CFAP210: variants seen among roughly 807,000 people sequenced by gnomAD.
CFAP210 encodes cilia- and flagella- associated protein 210.
At chr2:169,685,059 AC>A in the CFAP210 span, among the ~76,000 whole-genome samples, 1 of 152,190 alleles carries the variant, frequency 6.6e-6, no homozygotes, top group Non-Finnish European at 1.5e-5. Flanking sequence ...CCACCATTTG[AC>A]TATTATGAAT....
chr2:169,671,647 T>C, the CFAP210 span, among the ~76,000 whole-genome samples: 21,117 of 152,152 alleles, frequency 0.14, 1,555 homozygotes, highest in Middle Eastern at 0.19. Flanking sequence ...TTTGTATTTT[T>C]TTAGTAGAGA....
the CFAP210 span, among the ~76,000 whole-genome samples, chr2:169,682,910 T>A: frequency 6.6e-6 from 1 of 152,190 alleles, no homozygotes; most frequent in Non-Finnish European, 1.5e-5. Context: ...ACGTAAAGAA[T>A]TTAAGACTAG....
the CFAP210 span, among the ~76,000 whole-genome samples, chr2:169,678,359 A>AAAAGAAAG: frequency 1.4e-5 from 2 of 145,832 alleles, no homozygotes; most frequent in South Asian, 4.3e-4. Context: ...AAAAAAAAAA[A>AAAAGAAAG]AAAAGAAAGA....
chr2:169,645,968 T>C, the CFAP210 span: 1 of 1,613,976 alleles, frequency 6.2e-7, no homozygotes, highest in Non-Finnish European at 8.5e-7. Flanking sequence ...TCCACCTCTG[T>C]CCACAAACAC....
At chr2:169,674,145 G>C in the CFAP210 span, among the ~76,000 whole-genome samples, 1 of 152,082 alleles carries the variant, frequency 6.6e-6, no homozygotes, top group African/African-American at 2.4e-5. Context: ...TTGCTCTCTT[G>C]CATCTCTATC....
At chr2:169,691,506 G>A in the CFAP210 span, among the ~76,000 whole-genome samples, 2 of 151,788 alleles carry the variant, frequency 1.3e-5, no homozygotes, top group African/African-American at 4.8e-5. Context: ...CCCTACTTCT[G>A]TAGACATCCT....
At chr2:169,647,983 C>CCAT in the CFAP210 span, among the ~76,000 whole-genome samples, 2 of 151,682 alleles carry the variant, frequency 1.3e-5, no homozygotes, top group African/African-American at 4.8e-5. Flanking sequence ...TGGTGAAACC[C>CCAT]CATCTCTACT....
At chr2:169,671,405 T>C in the CFAP210 span, among the ~76,000 whole-genome samples, 14 of 152,324 alleles carry the variant, frequency 9.2e-5, no homozygotes, top group East Asian at 1.2e-3. Context: ...TCTACACATA[T>C]TTGCCAAAAT....
At chr2:169,680,823 T>C in the CFAP210 span, among the ~76,000 whole-genome samples, 1 of 152,240 alleles carries the variant, frequency 6.6e-6, no homozygotes, top group Admixed American at 6.5e-5. Flanking sequence ...TATAGGATTG[T>C]ACATTTCAAA....
chr2:169,661,684 T>C, the CFAP210 span, among the ~76,000 whole-genome samples: 1 of 152,238 alleles, frequency 6.6e-6, no homozygotes, highest in Non-Finnish European at 1.5e-5. Context: ...TCATTTTCTC[T>C]TCTCTCTTTC....
the CFAP210 span, among the ~76,000 whole-genome samples, chr2:169,667,135 CTTTTTTCTTTT>C: frequency 3.8e-4 from 46 of 120,314 alleles, no homozygotes; most frequent in African/African-American, 1.4e-3. Context: ...CACAAATTTT[CTTTTTTCTTTT>C]TTTTTTTTTT....
the CFAP210 span, among the ~76,000 whole-genome samples, chr2:169,671,426 A>G: frequency 6.6e-6 from 1 of 152,172 alleles, no homozygotes; most frequent in Non-Finnish European, 1.5e-5. Context: ...ATTTATCATT[A>G]CATTCTAATT....
chr2:169,688,024 G>C, the CFAP210 span, among the ~76,000 whole-genome samples: 4 of 152,234 alleles, frequency 2.6e-5, no homozygotes, highest in Non-Finnish European at 4.4e-5. Context: ...TGAAGCCACA[G>C]CATGAGCTCT....
the CFAP210 span, chr2:169,659,080 C>G: frequency 1.3e-5 from 2 of 152,738 alleles, no homozygotes; most frequent in African/African-American, 4.8e-5. Flanking sequence ...GATCATGCCA[C>G]TGCACTCCAG....
the CFAP210 span, among the ~76,000 whole-genome samples, chr2:169,687,943 A>G: frequency 6.6e-6 from 1 of 152,204 alleles, no homozygotes; most frequent in Non-Finnish European, 1.5e-5. Flanking sequence ...CCAAACCTCA[A>G]TTCTTGACTT....
the CFAP210 span, chr2:169,674,573 T>C: frequency 1.3e-6 from 2 of 1,586,778 alleles, no homozygotes; most frequent in Non-Finnish European, 1.7e-6. Flanking sequence ...TATGTATACA[T>C]ACTGTTTTAG....
chr2:169,682,527 T>C, the CFAP210 span, among the ~76,000 whole-genome samples: 14 of 152,194 alleles, frequency 9.2e-5, no homozygotes, highest in Non-Finnish European at 1.9e-4. Flanking sequence ...ATGCTGTTTG[T>C]TTCCTTATAT....
the CFAP210 span, among the ~76,000 whole-genome samples, chr2:169,677,072 GCA>G: frequency 1.1e-4 from 17 of 152,290 alleles, no homozygotes; most frequent in East Asian, 3.1e-3. Context: ...GCCAGCAGAT[GCA>G]CAGAGAGGAG....
At chr2:169,666,902 G>A in the CFAP210 span, among the ~76,000 whole-genome samples, 2 of 151,992 alleles carry the variant, frequency 1.3e-5, no homozygotes, top group African/African-American at 2.4e-5. Context: ...TTGCTCATCC[G>A]TAAGAATCAG....
Sources: gnomAD v4.1 joint callset for allele counts (sites outside exome capture counted in the v4.1 genomes callset) on GRCh38, gnomAD v4.1.1 for gene constraint, MANE v1.5 for transcripts, NCBI Gene and HGNC (gene_info 2026-07-23, HGNC 2026-07-21) for gene names.